Variants in PRNP observed in about 807,000 individuals in gnomAD.
PRNP encodes the protein major prion protein.
A neutral mutation model predicts 21.3 loss-of-function variants in PRNP; 15 were observed. That is an observed-to-expected ratio of 0.71 (90% CI 0.47 to 1.09). The LOEUF is 1.09. Ranked by LOEUF, PRNP falls within the 50% of genes least tolerant of loss-of-function variation. The probability of loss-of-function intolerance (pLI) is 0.00; values close to 1 mark genes in which losing one functional copy is unlikely to be tolerated. For synonymous variants in PRNP, 121 were observed against 123.1 expected, an observed-to-expected ratio of 0.98 and a Z score of 0.11; for missense variants, 285 against 340.9, an observed-to-expected ratio of 0.84 and a Z score of 1.29.
intron 1 of PRNP, among the ~76,000 whole-genome samples, chr20:4,694,161 T>G (rs1271967297): frequency 6.6e-6 from 1 of 151,982 alleles, no homozygotes; most frequent in African/African-American, 2.4e-5. Context: ...TCTCCATTTC[T>G]TCTATGGTTA....
intron 1 of PRNP, among the ~76,000 whole-genome samples, chr20:4,698,302 C>T (rs1922300018): frequency 6.6e-6 from 1 of 152,106 alleles, no homozygotes; most frequent in African/African-American, 2.4e-5. Flanking sequence ...GAAACATAAA[C>T]AGGATGTTAA....
rs886896223 is a variant in PRNP at position 4,697,993 on chromosome 20, G to A, written c.-10-1218G>A. Among the ~76,000 whole-genome samples, 1 of 152,118 alleles carries A rather than the reference G, an allele frequency of 6.6e-6. No homozygotes were observed. The highest frequency in any genetic ancestry group is 1.5e-5 in the Non-Finnish European group (1 of 68,032). Reference sequence around the variant, plus strand: ...TCACCCATTGCAGCGAATGGAGAAGGTGCTGACATAAAAGCCCTTTAGACT... The same window carrying A: ...TCACCCATTGCAGCGAATGGAGAAGATGCTGACATAAAAGCCCTTTAGACT... On this transcript the variant is annotated intron_variant, in intron 1 of 1. Coordinates refer to ENST00000379440, the MANE Select transcript of PRNP (RefSeq NM_000311.5). The surrounding 1 kb of genome is among the most constrained non-coding windows in gnomAD (Gnocchi z 4.6).
At chr20:4,694,026 T>A (rs939636266) in intron 1 of PRNP, among the ~76,000 whole-genome samples, 1 of 150,790 alleles carries the variant, frequency 6.6e-6, no homozygotes, top group African/African-American at 2.4e-5. Flanking sequence ...TGGGTGGAGG[T>A]TGCAGAGAGC....
intron 1 of PRNP, among the ~76,000 whole-genome samples, chr20:4,689,344 G>A (rs775417418): frequency 5.3e-5 from 8 of 152,184 alleles, no homozygotes; most frequent in Non-Finnish European, 8.8e-5. Context: ...TGATCCAGAG[G>A]CCACTCGGGT....
At position 4,699,125 on chromosome 20, in the gene PRNP, T is replaced by TGCTA; in HGVS notation, c.-10-85_-10-82dup. On this transcript the variant is annotated intron_variant, in intron 1 of 1. Coordinates refer to ENST00000379440, the MANE Select transcript of PRNP (RefSeq NM_000311.5). This position sits in a 1 kb window ranked among gnomAD's most constrained non-coding sequence, Gnocchi z 5.8. ...GTTTCTACTGAGCAGCTGATACCAT[T>TGCTA]GCTATGCACTCATTCATTATGCAGG... The TGCTA allele has an allele frequency of 1.3e-6, 2 of 1,496,262 alleles. No homozygotes were observed. The highest frequency in any genetic ancestry group is 2.3e-5 in the South Asian group (2 of 87,694). The allele number at this position is 1,496,262 out of a possible 1,614,324, so 92.7% of individuals were successfully genotyped here.
rs778194695 is a variant in PRNP, at chr20:4,699,696, A to G, written c.476A>G (p.Asn159Ser). ...CGTGAAAACATGCACCGTTACCCCA[A>G]CCAAGTGTACTACAGGCCCATGGAT... ...YYRENMHRYP[N>S]QVYYRPMDEY... Residue 159 changes from asparagine (N) to serine (S), a missense_variant, in exon 2 of 2, where the codon AAC (asparagine) becomes AGC (serine). Coordinates refer to ENST00000379440, the MANE Select transcript of PRNP (RefSeq NM_000311.5). This position sits in a 1 kb window ranked among gnomAD's most constrained non-coding sequence, Gnocchi z 5.8. 3.7e-6 allele frequency: 6 copies of G among 1,613,910 alleles called. No individual in the cohort carries two copies. The African/African-American group carries it at 6.7e-5, about 18-fold the overall frequency.
intron 1 of PRNP, among the ~76,000 whole-genome samples, chr20:4,696,158 C>G (rs1182763590): frequency 1.3e-5 from 2 of 152,066 alleles, no homozygotes; most frequent in Admixed American, 6.5e-5. Context: ...TAGAAGTTTA[C>G]TGAACTTCTC....
intron 1 of PRNP, among the ~76,000 whole-genome samples, chr20:4,691,395 T>C (rs1921818581): frequency 1.3e-5 from 2 of 152,264 alleles, no homozygotes; most frequent in East Asian, 3.8e-4. Context: ...ATGTTAGCTG[T>C]GACCTTGTCA....
chr20:4,701,343 A>G lies in PRNP; in HGVS notation c.*1361A>G, dbSNP rs1396539880. 2 of 167,092 alleles carry G rather than the reference A, an allele frequency of 1.2e-5. No homozygotes were observed. The highest frequency in any genetic ancestry group is 2.9e-5 in the Non-Finnish European group (2 of 68,110). The allele number at this position is 167,092 out of a possible 1,614,324, so 10.4% of individuals were successfully genotyped here. ...AGTTAACATCTGAAGTGTCTAATGC[A>G]TTAACTTTTGTAAGGTACTGAATAC... On this transcript the variant is annotated 3_prime_UTR_variant, in exon 2 of 2. Transcript: ENST00000379440. The surrounding 1 kb of genome is among the most constrained non-coding windows in gnomAD (Gnocchi z 4.2).
chr20:4,687,609 A>G (rs914271170), intron 1 of PRNP, among the ~76,000 whole-genome samples: 8 of 151,934 alleles, frequency 5.3e-5, no homozygotes, highest in African/African-American at 9.7e-5. Flanking sequence ...TAACCTCGCA[A>G]TTCCACCACG....
chr20:4,699,720 A>G lies in PRNP; in HGVS notation c.500A>G (p.Asp167Gly), dbSNP rs1555782111. 6.2e-7 allele frequency: 1 copy of G among 1,613,918 alleles called. No individual in the cohort carries two copies. The highest frequency in any genetic ancestry group is 1.1e-5 in the South Asian group (1 of 91,066). Reference protein sequence around the residue: ...YPNQVYYRPMDEYSNQNNFVH... With the variant: ...YPNQVYYRPMGEYSNQNNFVH... ...AACCAAGTGTACTACAGGCCCATGGATGAGTACAGCAACCAGAACAACTTT... is the reference window on the plus strand; with the variant it reads ...AACCAAGTGTACTACAGGCCCATGGGTGAGTACAGCAACCAGAACAACTTT... Residue 167 changes from aspartate (D) to glycine (G), a missense_variant, in exon 2 of 2, where the codon GAT becomes GGT. Transcript: ENST00000379440. The surrounding 1 kb of genome is among the most constrained non-coding windows in gnomAD (Gnocchi z 5.8).
intron 1 of PRNP, among the ~76,000 whole-genome samples, chr20:4,687,837 G>C (rs8182840): frequency 1.1e-4 from 17 of 152,134 alleles, no homozygotes; most frequent in Admixed American, 7.9e-4. Context: ...TGGTAGAATA[G>C]GATTAAGGAT....
chr20:4,692,451 T>G (rs1048221201), intron 1 of PRNP, among the ~76,000 whole-genome samples: 1 of 152,206 alleles, frequency 6.6e-6, no homozygotes, highest in African/African-American at 2.4e-5. Flanking sequence ...GATGAATTTA[T>G]AGAACAACCT....
intron 1 of PRNP, among the ~76,000 whole-genome samples, chr20:4,687,429 G>A (rs1921541775): frequency 6.6e-6 from 1 of 152,208 alleles, no homozygotes; most frequent in African/African-American, 2.4e-5. Context: ...GGGCTCCAAG[G>A]AACAACCAGC....
rs370426100 is a variant in PRNP, at chr20:4,699,526, G to A, written c.306G>A (p.Pro102=). Residue 102 remains proline (P), a synonymous_variant, in exon 2 of 2, where the codon CCG becomes CCA. Coordinates refer to ENST00000379440, the MANE Select transcript of PRNP (RefSeq NM_000311.5). This position sits in a 1 kb window ranked among gnomAD's most constrained non-coding sequence, Gnocchi z 5.8. ...GCACCCACAGTCAGTGGAACAAGCCGAGTAAGCCAAAAACCAACATGAAGC... is the reference window on the plus strand; with the variant it reads ...GCACCCACAGTCAGTGGAACAAGCCAAGTAAGCCAAAAACCAACATGAAGC... The part of the protein sequence containing the change: ...GGGTHSQWNK[P]SKPKTNMKHM... 87 of 1,613,814 alleles carry A rather than the reference G, an allele frequency of 5.4e-5. No individual in the cohort carries two copies. In the Admixed American group the frequency reaches 9.0e-4, roughly 17 times the overall value.
At position 4,700,259 on chromosome 20, in the gene PRNP, T is replaced by C. The variant is rs1352245701; in HGVS notation, c.*277T>C. The C allele has an allele frequency of 9.8e-6, 10 of 1,017,178 alleles. No individual in the cohort carries two copies. Among genetic ancestry groups the C allele is most frequent in the Non-Finnish European group, 1.4e-5 (10 of 690,590 alleles). 63.0% of individuals were successfully genotyped at this position (1,017,178 alleles called of 1,614,324 possible). Reference sequence around the variant, plus strand: ...ATAACCATTGGTTAATCTGGACTTATTTTTGGACTTAGTGCAACAGGTTGA... The same window carrying C: ...ATAACCATTGGTTAATCTGGACTTACTTTTGGACTTAGTGCAACAGGTTGA... On this transcript the variant is annotated 3_prime_UTR_variant, in exon 2 of 2. Coordinates refer to ENST00000379440, the MANE Select transcript of PRNP (RefSeq NM_000311.5). This position sits in a 1 kb window ranked among gnomAD's most constrained non-coding sequence, Gnocchi z 4.1.
rs1407742653 is a variant in PRNP at position 4,697,826 on chromosome 20, G to A, written c.-10-1385G>A. Among the ~76,000 whole-genome samples the A allele has an allele frequency of 2.6e-5, 4 of 152,128 alleles. No individual in the cohort carries two copies. The highest frequency in any genetic ancestry group is 6.5e-5 in the Admixed American group (1 of 15,276). On this transcript the variant is annotated intron_variant, in intron 1 of 1. Coordinates refer to ENST00000379440, the MANE Select transcript of PRNP (RefSeq NM_000311.5). The surrounding 1 kb of genome is among the most constrained non-coding windows in gnomAD (Gnocchi z 4.6). ...TCAGGTGAGAAGTGATGGAAGCACC[G>A]AATAAGATGGTCATGTTGGAAAAAT...
intron 1 of PRNP, among the ~76,000 whole-genome samples, chr20:4,696,240 A>C (rs1364936189): frequency 6.6e-6 from 1 of 152,192 alleles, no homozygotes; most frequent in Non-Finnish European, 1.5e-5. Context: ...GATAATGGAC[A>C]TCTTTATAAT....
intron 1 of PRNP, among the ~76,000 whole-genome samples, chr20:4,687,126 C>T (rs1921499068): frequency 6.6e-6 from 1 of 152,188 alleles, no homozygotes; most frequent in South Asian, 2.1e-4. Flanking sequence ...TGCAGCGTTC[C>T]TCCCGGGAGG....
Sources: gnomAD v4.1 joint callset for allele counts (sites outside exome capture counted in the v4.1 genomes callset) on GRCh38, gnomAD v4.1.1 for gene constraint, Gnocchi (gnomAD v3.1) non-coding constraint, MANE v1.5 for transcripts, NCBI Gene and HGNC (gene_info 2026-07-23, HGNC 2026-07-21) for gene names.